The following CSMD1 variants were observed in gnomAD, a reference collection of about 807,000 sequenced individuals.
CSMD1 encodes the protein CUB and Sushi multiple domains 1.
Under a neutral mutation model 417.5 loss-of-function variants are expected in CSMD1, and 213 were observed. That is an observed-to-expected ratio of 0.51 (90% confidence interval 0.46 to 0.57). The LOEUF is 0.57. Ranked by LOEUF, CSMD1 falls within the 20% of genes least tolerant of loss-of-function variation. The pLI, the probability that CSMD1 is intolerant of heterozygous loss-of-function variation, is 0.00. For synonymous variants in CSMD1, 2,862 were observed against 1,736.8 expected, an observed-to-expected ratio of 1.65 and a Z score of -16.11; for missense variants, 6,923 against 4,529.7, an observed-to-expected ratio of 1.53 and a Z score of -15.17.
At chr8:4,941,537 A>G (rs571232703) in intron 1 of CSMD1, among the ~76,000 whole-genome samples, 2 of 152,142 alleles carry the variant, frequency 1.3e-5, no homozygotes, top group Admixed American at 1.3e-4. Context: ...TTTCTTCTGC[A>G]GTCTTTGTCA....
At chr8:3,304,415 G>A (rs938040863) in intron 25 of CSMD1, among the ~76,000 whole-genome samples, 1 of 152,112 alleles carries the variant, frequency 6.6e-6, no homozygotes, top group Admixed American at 6.6e-5. Context: ...AGTATATTAT[G>A]TACTTCTAAT....
chr8:4,251,928 G>A (rs1803110226), intron 3 of CSMD1, among the ~76,000 whole-genome samples: 1 of 151,780 alleles, frequency 6.6e-6, no homozygotes, highest in South Asian at 2.1e-4. Context: ...GAATGGGAAG[G>A]GAGGGAAAGA....
intron 7 of CSMD1, among the ~76,000 whole-genome samples, chr8:3,664,303 A>C (rs1415609291): frequency 6.6e-6 from 1 of 152,128 alleles, no homozygotes; most frequent in African/African-American, 2.4e-5. Flanking sequence ...CTGTCCTTGC[A>C]ACTGTTTGCT....
chr8:4,772,427 C>A (rs1210917859), intron 1 of CSMD1, among the ~76,000 whole-genome samples: 1 of 152,172 alleles, frequency 6.6e-6, no homozygotes, highest in Non-Finnish European at 1.5e-5. Flanking sequence ...AATGATCTCC[C>A]TATTTTAAGG....
At chr8:4,172,998 C>G (rs567390437) in intron 3 of CSMD1, among the ~76,000 whole-genome samples, 31 of 152,208 alleles carry the variant, frequency 2.0e-4, no homozygotes, top group African/African-American at 6.7e-4. Flanking sequence ...CCCACAGAAA[C>G]CTTGAAATAA....
intron 5 of CSMD1, among the ~76,000 whole-genome samples, chr8:3,773,833 A>T (rs1798751497): frequency 6.6e-6 from 1 of 152,088 alleles, no homozygotes; most frequent in Non-Finnish European, 1.5e-5. Context: ...GTTTTCACTC[A>T]CTTTCCCCCA....
At chr8:4,925,648 G>A (rs1295891377) in intron 1 of CSMD1, among the ~76,000 whole-genome samples, 1 of 151,636 alleles carries the variant, frequency 6.6e-6, no homozygotes, top group Non-Finnish European at 1.5e-5. Context: ...CCGGGTTCAC[G>A]CCATTCTCCT....
intron 27 of CSMD1, among the ~76,000 whole-genome samples, chr8:3,224,723 G>A (rs962643904): frequency 3.3e-5 from 5 of 152,142 alleles, no homozygotes; most frequent in East Asian, 3.9e-4. Context: ...TATTAGCAAG[G>A]CAGTAATTAT....
rs1014186004 is a variant in CSMD1 at position 3,162,324 on chromosome 8, A to T, written c.5726-47T>A. 5.6e-6 allele frequency: 7 copies of T among 1,242,236 alleles called. No individual in the cohort carries two copies. The African/African-American group carries it at 1.0e-4, about 19-fold the overall frequency. 77.0% of individuals were successfully genotyped at this position (1,242,236 alleles called of 1,614,324 possible). On this transcript the variant is annotated intron_variant, in intron 37 of 69. Transcript: ENST00000635120. ...CTAGAAATTATATGATGTAAACAAT[A>T]TTCTTATCATTTGAATAACCAAAGT...
intron 9 of CSMD1, among the ~76,000 whole-genome samples, chr8:3,577,295 C>T (rs532687385): frequency 6.6e-6 from 1 of 152,254 alleles, no homozygotes; most frequent in East Asian, 1.9e-4. Flanking sequence ...GAAGCCAGCC[C>T]GTCACCACAT....
chr8:3,091,732 C>G (rs1814963923), intron 47 of CSMD1, 70 bp from the exon 48 acceptor site: 5 of 1,411,336 alleles, frequency 3.5e-6, no homozygotes, highest in Non-Finnish European at 4.8e-6. Context: ...CTAGGTTTAG[C>G]TTTTGATTAC....
At chr8:4,445,400 G>A (rs748533838) in intron 2 of CSMD1, among the ~76,000 whole-genome samples, 3 of 152,054 alleles carry the variant, frequency 2.0e-5, no homozygotes, top group Non-Finnish European at 2.9e-5. Context: ...TATGCTTTTG[G>A]ATTATTCTAA....
intron 12 of CSMD1, among the ~76,000 whole-genome samples, chr8:3,421,610 C>G (rs1041547445): frequency 6.6e-6 from 1 of 152,142 alleles, no homozygotes; most frequent in Non-Finnish European, 1.5e-5. Flanking sequence ...AAAAAATCCC[C>G]AGATTTCTAA....
intron 3 of CSMD1, among the ~76,000 whole-genome samples, chr8:4,327,848 G>T (rs780951000): frequency 6.6e-6 from 1 of 152,146 alleles, no homozygotes; most frequent in African/African-American, 2.4e-5. Flanking sequence ...TTGTTTGAAA[G>T]ATGACACATT....
At chr8:3,179,480 T>C (rs1264000215) in intron 37 of CSMD1, among the ~76,000 whole-genome samples, 1 of 152,240 alleles carries the variant, frequency 6.6e-6, no homozygotes, top group African/African-American at 2.4e-5. Context: ...TGTTAGTCTC[T>C]CTTTTTTAAT....
At chr8:3,345,351 C>G (rs1807919218) in intron 22 of CSMD1, among the ~76,000 whole-genome samples, 2 of 152,126 alleles carry the variant, frequency 1.3e-5, no homozygotes, top group African/African-American at 2.4e-5. Flanking sequence ...ATTCTGCGTT[C>G]TTTATCCATG....
intron 3 of CSMD1, among the ~76,000 whole-genome samples, chr8:4,058,806 C>T (rs1388622528): frequency 8.6e-5 from 13 of 150,570 alleles, no homozygotes; most frequent in African/African-American, 3.2e-4. Context: ...TCCTGAGTGA[C>T]CTACAAAGAG....
intron 11 of CSMD1, among the ~76,000 whole-genome samples, chr8:3,491,696 G>C (rs181972552): frequency 6.6e-6 from 1 of 152,214 alleles, no homozygotes; most frequent in Non-Finnish European, 1.5e-5. Flanking sequence ...CTTTTTCAAT[G>C]TGTGAATTAT....
chr8:4,183,541 G>C (rs1278824039), intron 3 of CSMD1, among the ~76,000 whole-genome samples: 1 of 152,160 alleles, frequency 6.6e-6, no homozygotes, highest in Non-Finnish European at 1.5e-5. Context: ...TTTGTAATAT[G>C]ATAAGTCAGA....
Sources: allele counts gnomAD v4.1 joint callset (sites outside exome capture counted in the v4.1 genomes callset), GRCh38; gene constraint gnomAD v4.1.1; transcripts MANE v1.5; gene names NCBI Gene and HGNC (gene_info 2026-07-23, HGNC 2026-07-21).